DOCK5: variants seen among roughly 807,000 people sequenced by gnomAD.
DOCK5 encodes the protein dedicator of cytokinesis 5.
DOCK5 carries 142 observed loss-of-function variants against 251.8 expected under a neutral mutation model. The ratio of observed to expected loss-of-function variants is 0.56; its 90% CI spans 0.49 to 0.65. The LOEUF (loss-of-function observed/expected upper bound fraction) is 0.65. DOCK5 is among the 30% of genes least tolerant of loss of function. The pLI, the probability that DOCK5 is intolerant of heterozygous loss-of-function variation, is 0.00. For missense variants in DOCK5, 2,111 were observed against 2,312.3 expected, an observed-to-expected ratio of 0.91 and a Z score of 1.79; for synonymous variants, 842 against 835.5, an observed-to-expected ratio of 1.01 and a Z score of -0.13.
intron 3 of DOCK5, among the ~76,000 whole-genome samples, chr8:25,270,301 A>G (rs1803873299): frequency 6.6e-6 from 1 of 152,202 alleles, no homozygotes; most frequent in South Asian, 2.1e-4. Flanking sequence ...GACAGCAGGC[A>G]TGCCAGAGTA....
intron 2 of DOCK5, among the ~76,000 whole-genome samples, chr8:25,256,379 CT>C (rs1325826878): frequency 4.6e-5 from 7 of 152,274 alleles, no homozygotes; most frequent in South Asian, 2.1e-4. Context: ...TGGCTCAAGC[CT>C]GTAATCCCAA....
chr8:25,319,889 G>A (rs901401813), intron 15 of DOCK5, among the ~76,000 whole-genome samples: 18 of 152,216 alleles, frequency 1.2e-4, no homozygotes, highest in Non-Finnish European at 2.1e-4. Context: ...GAATAGCAAA[G>A]CTTGTGGTTG....
In DOCK5 at chr8:25,284,264, A is replaced by G. The variant is rs756869023; in HGVS notation, c.321+5599A>G. Among the ~76,000 whole-genome samples, 3 of 152,330 alleles carry G rather than the reference A, an allele frequency of 2.0e-5. No homozygotes were observed. The South Asian group carries it at 6.2e-4, about 32-fold the overall frequency. ...AGCGGGATAGTCTGTATAAAACCCC[A>G]GGGTAGTACCTGTCACACTGTGGTC... On this transcript the variant is annotated intron_variant, in intron 5 of 51. Transcript: ENST00000276440.
In DOCK5 at chr8:25,376,229, G is replaced by A. The variant is rs1234395472; in HGVS notation, c.3817-1076G>A. On this transcript the variant is annotated intron_variant, in intron 37 of 51. Coordinates refer to ENST00000276440, the MANE Select transcript of DOCK5 (RefSeq NM_024940.8). ...TCTGTAACTGTAGGTCTTTTCATTT[G>A]GGAAACTCAGGAAGGTAAACTCTCC... The A allele has an allele frequency of 4.1e-6, 4 of 985,120 alleles. No individual in the cohort carries two copies. The Admixed American group carries it at 2.5e-4, about 61-fold the overall frequency. The allele number at this position is 985,120 out of a possible 1,614,324, so 61.0% of individuals were successfully genotyped here.
chr8:25,229,767 TTTGA>T (rs573978634), intron 1 of DOCK5, among the ~76,000 whole-genome samples: 85 of 152,330 alleles, frequency 5.6e-4, no homozygotes, highest in African/African-American at 1.5e-3. Context: ...CATTTGTTTA[TTTGA>T]TTGATTATCA....
intron 3 of DOCK5, among the ~76,000 whole-genome samples, chr8:25,274,001 G>A (rs1803980426): frequency 6.6e-6 from 1 of 152,186 alleles, no homozygotes; most frequent in Non-Finnish European, 1.5e-5. Flanking sequence ...TTGGGGCTTT[G>A]TGTCTGGTGG....
chr8:25,331,799 T>C (rs867866389), intron 18 of DOCK5, among the ~76,000 whole-genome samples: 1 of 49,010 alleles, frequency 2.0e-5, no homozygotes, highest in Non-Finnish European at 5.2e-5. Context: ...TATATATATA[T>C]ATAGAGAGAG....
intron 40 of DOCK5, among the ~76,000 whole-genome samples, chr8:25,384,611 G>A (rs1402461660): frequency 6.6e-6 from 1 of 151,386 alleles, no homozygotes; most frequent in Non-Finnish European, 1.5e-5. Flanking sequence ...AGGTGTGCAC[G>A]ACCAGGCCCA....
intron 18 of DOCK5, among the ~76,000 whole-genome samples, chr8:25,327,352 T>C (rs1184615503): frequency 6.6e-6 from 1 of 152,250 alleles, no homozygotes; most frequent in Non-Finnish European, 1.5e-5. Context: ...GGTAGTATAC[T>C]ATATAAAGCA....
At chr8:25,341,025 C>A in intron 23 of DOCK5, 37 bp downstream of exon 23, 3 of 1,531,124 alleles carry the variant, frequency 2.0e-6, no homozygotes, top group Non-Finnish European at 2.7e-6. Flanking sequence ...TCTTCTTAGG[C>A]TGTGGTAAGG....
chr8:25,345,376 A>C, intron 25 of DOCK5, 99 bp from the exon 26 acceptor site: 25 of 1,525,946 alleles, frequency 1.6e-5, no homozygotes, highest in Non-Finnish European at 1.9e-5. Context: ...TGCAGAGCTT[A>C]GAGCTACTGG....
rs117661696 is a variant in DOCK5, at chr8:25,302,709, C to T, written c.976+255C>T. Among the ~76,000 whole-genome samples the T allele has an allele frequency of 7.4e-3, 1,122 of 152,288 alleles. 8 individuals carry two copies. Among genetic ancestry groups the T allele is most frequent in the Non-Finnish European group, 0.012 (807 of 68,034 alleles). On this transcript the variant is annotated intron_variant, in intron 10 of 51. Transcript: ENST00000276440. ...ACTAAGAAACTGTGGTGTGTACGCA[C>T]AATGGAATAATACTCGCCTTAAACA...
At chr8:25,377,262 A>G in intron 37 of DOCK5, 43 bp from the exon 38 acceptor site, 1 of 1,566,060 alleles carries the variant, frequency 6.4e-7, no homozygotes, top group Non-Finnish European at 8.6e-7. Flanking sequence ...GGGGGGCTGA[A>G]TATTTGTTGT....
intron 3 of DOCK5, among the ~76,000 whole-genome samples, chr8:25,272,532 G>A (rs1408267954): frequency 6.6e-6 from 1 of 152,140 alleles, no homozygotes; most frequent in Non-Finnish European, 1.5e-5. Context: ...TTTACCTTCT[G>A]ATTTCAAAAA....
At position 25,308,876 on chromosome 8, in the gene DOCK5, A is replaced by T. The variant is rs774613940; in HGVS notation, c.1143A>T (p.Ser381=). 6.2e-7 allele frequency: 1 copy of T among 1,613,934 alleles called. No individual in the cohort carries two copies. The highest frequency in any genetic ancestry group is 2.2e-5 in the East Asian group (1 of 44,870). Residue 381 remains serine, a synonymous_variant, in exon 12 of 52, where the codon TCA becomes TCT. Transcript: ENST00000276440. ...TTGGGGAGAATGAGCCACTCACTTC[A>T]GTCTTGAATAAAGTGATTGCAGCAA... is the stretch of plus-strand genomic sequence containing the variant. The part of the protein sequence containing the change: ...HVIGENEPLT[S]VLNKVIAAKE...
At chr8:25,206,398 A>G (rs1802001380) in intron 1 of DOCK5, among the ~76,000 whole-genome samples, 1 of 152,154 alleles carries the variant, frequency 6.6e-6, no homozygotes, top group African/African-American at 2.4e-5. Flanking sequence ...AGCATTCACC[A>G]ATATCTGTGG....
chr8:25,296,049 G>A (rs984569782), intron 6 of DOCK5, among the ~76,000 whole-genome samples: 2 of 152,000 alleles, frequency 1.3e-5, no homozygotes, highest in African/African-American at 4.8e-5. Flanking sequence ...TGACCTCCTG[G>A]TCTCAAGTAA....
intron 35 of DOCK5, among the ~76,000 whole-genome samples, chr8:25,373,052 T>C (rs1245741970): frequency 6.7e-6 from 1 of 149,874 alleles, no homozygotes; most frequent in East Asian, 2.0e-4. Context: ...CGGGCTGGAG[T>C]GCAGTGGTGC....
intron 40 of DOCK5, 161 bp from the exon 41 acceptor site, chr8:25,388,930 A>G (rs1398088843): frequency 1.6e-6 from 1 of 636,746 alleles, no homozygotes; most frequent in Non-Finnish European, 2.7e-6. Flanking sequence ...CTTGTAGGAT[A>G]TGATGGTCGC....
Sources: gnomAD v4.1 joint callset for allele counts (sites outside exome capture counted in the v4.1 genomes callset) on GRCh38, gnomAD v4.1.1 for gene constraint, MANE v1.5 for transcripts, NCBI Gene and HGNC (gene_info 2026-07-23, HGNC 2026-07-21) for gene names.